PAQR5: variants seen among roughly 807,000 people sequenced by gnomAD.
The protein encoded by PAQR5 is membrane progestin receptor gamma.
PAQR5 carries 20 observed loss-of-function variants against 34.5 expected under a neutral mutation model. The observed-to-expected ratio is 0.58, with a 90% CI of 0.41 to 0.84. The LOEUF (loss-of-function observed/expected upper bound fraction) is 0.84, where lower values mean the gene tolerates loss of function less well. Among genes scored for constraint, PAQR5 ranks in the 40% least tolerant of loss-of-function variants. The pLI is 0.00. For missense variants in PAQR5, 378 were observed against 412.7 expected (o/e 0.92, Z 0.73); for synonymous variants, 131 against 155.6 (o/e 0.84, Z 1.18).
chr15:69,366,145 C>A (rs765009492), intron 3 of PAQR5, among the ~76,000 whole-genome samples: 1 of 152,220 alleles, frequency 6.6e-6, no homozygotes, highest in Admixed American at 6.5e-5. Context: ...AACCACCTAA[C>A]CTACTTTCTG....
chr15:69,306,790 C>CT lies in PAQR5; in HGVS notation c.-277+7739dup, dbSNP rs557504985. ...CCATCACCACCATCCATCTCCATAC[C>CT]TTTTTATCATCTCCCAGATGAAACT... On this transcript the variant is annotated intron_variant, in intron 1 of 8. Transcript: ENST00000395407. 2.6e-4 allele frequency among the ~76,000 whole-genome samples: 39 copies of CT among 152,240 alleles called. No homozygotes were observed. In the East Asian group the frequency reaches 7.3e-3, roughly 29 times the overall value.
chr15:69,378,982 G>A (rs987120847), intron 3 of PAQR5, among the ~76,000 whole-genome samples: 4 of 152,172 alleles, frequency 2.6e-5, no homozygotes, highest in African/African-American at 9.7e-5. Context: ...AATCAACACA[G>A]AAGGGGAAAA....
At chr15:69,386,746 C>T (rs992403120) in intron 5 of PAQR5, among the ~76,000 whole-genome samples, 2 of 151,148 alleles carry the variant, frequency 1.3e-5, no homozygotes, top group African/African-American at 4.9e-5. Flanking sequence ...TCCTCCATGC[C>T]TACTGCATCT....
chr15:69,350,549 G>A (rs1019547514), intron 2 of PAQR5, among the ~76,000 whole-genome samples: 9 of 152,064 alleles, frequency 5.9e-5, no homozygotes, highest in Admixed American at 2.6e-4. Flanking sequence ...AGGCTGAGGC[G>A]CAAGAATCGC....
intron 2 of PAQR5, among the ~76,000 whole-genome samples, chr15:69,347,570 T>A (rs2054807076): frequency 6.6e-6 from 1 of 152,158 alleles, no homozygotes; most frequent in African/African-American, 2.4e-5. Context: ...GTGACCTCTC[T>A]TTCTCCCTGG....
Position 69,334,848 on chromosome 15 carries a change from A to C in PAQR5, c.-276-2493A>C, listed in dbSNP as rs1652946827. Among the ~76,000 whole-genome samples the C allele has an allele frequency of 3.9e-5, 6 of 152,320 alleles. No homozygotes were observed. The South Asian group carries it at 1.2e-3, about 32-fold the overall frequency. ...CCAAAAGAGTAATGGAACAAAACTG[A>C]AGGTTTAAGCAAAGGGAAAGGGGTT... On this transcript the variant is annotated intron_variant, in intron 1 of 8. Transcript: ENST00000395407.
At chr15:69,300,029 G>A (rs12595671) in intron 1 of PAQR5, among the ~76,000 whole-genome samples, 71,919 of 152,090 alleles carry the variant, frequency 0.47, 19,375 homozygotes, top group Middle Eastern at 0.62. Flanking sequence ...AAACTGGTGG[G>A]CTTTTCTCCA....
chr15:69,357,196 G>A (rs1481936677), intron 2 of PAQR5, among the ~76,000 whole-genome samples: 3 of 152,116 alleles, frequency 2.0e-5, no homozygotes, highest in African/African-American at 4.8e-5. Flanking sequence ...TTCCTGTCCA[G>A]CCTGCAGAAC....
At position 69,406,257 on chromosome 15, in the gene PAQR5, CCTTG is replaced by C. The variant is rs1420299047; in HGVS notation, c.*2440_*2443del. The C allele has an allele frequency of 6.6e-6, 1 of 152,160 alleles. No homozygotes were observed. Among genetic ancestry groups the C allele is most frequent in the Non-Finnish European group, 1.5e-5 (1 of 68,030 alleles). 9.4% of individuals were successfully genotyped at this position (152,160 alleles called of 1,614,324 possible). A position where few individuals can be genotyped will look rare whatever the true frequency, so the allele number is the denominator to read the frequency against. ...AATGGGATGTACCTCTCCCCACTCCCCTTGCTTGAGAAGCACTACTCAAAAATTT... is the reference window on the plus strand; with the variant it reads ...AATGGGATGTACCTCTCCCCACTCCCCTTGAGAAGCACTACTCAAAAATTT... On this transcript the variant is annotated 3_prime_UTR_variant, in exon 9 of 9. Transcript: ENST00000395407.
intron 1 of PAQR5, among the ~76,000 whole-genome samples, chr15:69,330,693 C>A (rs1439479285): frequency 1.3e-5 from 2 of 152,230 alleles, no homozygotes; most frequent in African/African-American, 4.8e-5. Flanking sequence ...AACCACCAAC[C>A]AAGTTATCCT....
intron 2 of PAQR5, among the ~76,000 whole-genome samples, chr15:69,339,255 G>A (rs932390462): frequency 1.3e-5 from 2 of 148,458 alleles, no homozygotes; most frequent in African/African-American, 2.5e-5. Flanking sequence ...ATAAAACTCC[G>A]GTCTCCTGCA....
intron 2 of PAQR5, among the ~76,000 whole-genome samples, chr15:69,339,047 A>G (rs574902827): frequency 1.3e-5 from 2 of 152,134 alleles, no homozygotes; most frequent in African/African-American, 4.8e-5. Flanking sequence ...CACCGCTCAG[A>G]TCAGTAATTT....
At chr15:69,384,338 G>A (rs1398463909) in intron 4 of PAQR5, among the ~76,000 whole-genome samples, 5 of 136,024 alleles carry the variant, frequency 3.7e-5, no homozygotes, top group Admixed American at 7.4e-5. Flanking sequence ...TGTTCATCGC[G>A]GAGGGTGAGT....
At chr15:69,308,779 C>T (rs2053770500) in intron 1 of PAQR5, among the ~76,000 whole-genome samples, 1 of 151,848 alleles carries the variant, frequency 6.6e-6, no homozygotes, top group East Asian at 1.9e-4. Flanking sequence ...GTGCAAAGGC[C>T]CTGAGGTGAG....
intron 1 of PAQR5, among the ~76,000 whole-genome samples, chr15:69,312,602 C>T (rs911335346): frequency 6.6e-6 from 1 of 151,686 alleles, no homozygotes; most frequent in Admixed American, 6.6e-5. Flanking sequence ...TGCCTTCTTC[C>T]TCCCCATGAA....
chr15:69,389,482 G>A (rs999503162), intron 5 of PAQR5, among the ~76,000 whole-genome samples, 172 bp from the exon 6 acceptor site: 1 of 152,214 alleles, frequency 6.6e-6, no homozygotes, highest in African/African-American at 2.4e-5. Context: ...ATTTGGGTGG[G>A]CAGAGAAGAG....
chr15:69,358,640 T>TTTTTTTTTTA, intron 2 of PAQR5, among the ~76,000 whole-genome samples: 1 of 139,404 alleles, frequency 7.2e-6, no homozygotes, highest in South Asian at 2.5e-4. Context: ...GGCATTTTTT[T>TTTTTTTTTTA]TTTTTTTTTG....
At chr15:69,329,943 T>C (rs1391891517) in intron 1 of PAQR5, among the ~76,000 whole-genome samples, 1 of 152,132 alleles carries the variant, frequency 6.6e-6, no homozygotes, top group Non-Finnish European at 1.5e-5. Flanking sequence ...TTTGTTCACA[T>C]CTATTATTAT....
Position 69,380,217 on chromosome 15 carries a change from G to A in PAQR5, c.179+207G>A, listed in dbSNP as rs188697922. The A allele has an allele frequency of 1.5e-3, 793 of 539,456 alleles. 5 individuals are homozygous for A. Among genetic ancestry groups the A allele is most frequent in the African/African-American group, 0.013 (686 of 52,728 alleles). 33.4% of individuals were successfully genotyped at this position (539,456 alleles called of 1,614,324 possible). A position where few individuals can be genotyped will look rare whatever the true frequency, so the allele number is the denominator to read the frequency against. On this transcript the variant is annotated intron_variant, in intron 4 of 8. Transcript: ENST00000395407. ...GATGACCTTTAAGGCATGGACTGGG[G>A]TAAGATTTGAGGGGAAATCCCAAAA...
Sources: allele counts gnomAD v4.1 joint callset (sites outside exome capture counted in the v4.1 genomes callset), GRCh38; gene constraint gnomAD v4.1.1; transcripts MANE v1.5; gene names NCBI Gene and HGNC (gene_info 2026-07-23, HGNC 2026-07-21).